PAX3: variants seen among roughly 807,000 people sequenced by gnomAD.
PAX3 encodes paired box protein Pax-3.
A neutral mutation model predicts 51.6 loss-of-function variants in PAX3; 14 were observed. The observed-to-expected ratio is 0.27, with a 90% confidence interval of 0.18 to 0.42. The LOEUF is 0.42. Ranked by LOEUF, PAX3 falls within the 10% of genes least tolerant of loss-of-function variation. PAX3 has a pLI of 1.00. For missense variants in PAX3, 540 were observed against 642.8 expected, an observed-to-expected ratio of 0.84 and a Z score of 1.73; for synonymous variants, 280 against 253.4, an observed-to-expected ratio of 1.11 and a Z score of -1.00.
chr2:222,277,190 A>T (rs1376942804), intron 4 of PAX3, among the ~76,000 whole-genome samples: 3 of 152,176 alleles, frequency 2.0e-5, no homozygotes, highest in Non-Finnish European at 4.4e-5. Context: ...ATATTTACAA[A>T]AATCTAATGA....
chr2:222,273,869 C>A (rs1471024296), intron 4 of PAX3, among the ~76,000 whole-genome samples: 1 of 151,942 alleles, frequency 6.6e-6, no homozygotes. Context: ...AAATTCGGTG[C>A]TGTAATTTTT....
intron 4 of PAX3, among the ~76,000 whole-genome samples, chr2:222,260,762 T>C (rs1385276136): frequency 2.6e-5 from 4 of 152,004 alleles, no homozygotes; most frequent in African/African-American, 9.7e-5. Context: ...GGCTAATTTT[T>C]CTATTTTTAG....
Position 222,298,695 on chromosome 2 carries a change from G to T in PAX3, c.-80C>A. On this transcript the variant is annotated 5_prime_UTR_variant, in exon 1 of 9. Transcript: ENST00000392070. ...CGAGTGCGGCGCGGATGACCCTCGG[G>T]AACTATCCGGAGCGTGGAGAGCCCC... is the stretch of plus-strand genomic sequence containing the variant. 1 of 1,354,068 alleles carries T rather than the reference G, an allele frequency of 7.4e-7. No individual in the cohort carries two copies. The highest frequency in any genetic ancestry group is 1.0e-6 in the Non-Finnish European group (1 of 969,562). 83.9% of individuals were successfully genotyped at this position (1,354,068 alleles called of 1,614,324 possible).
At position 222,242,150 on chromosome 2, in the gene PAX3, C is replaced by T. The variant is rs1471382157; in HGVS notation, c.587-9867G>A. The stretch of plus-strand genomic sequence containing the variant: ...AAAGACTAGTTTTATGAGGGGATTT[C>T]GCTTATGTTTTTGTTACTACAACTG... On this transcript the variant is annotated intron_variant, in intron 4 of 8. Transcript: ENST00000392070. Among the ~76,000 whole-genome samples, 12 of 152,166 alleles carry T rather than the reference C, an allele frequency of 7.9e-5. No individual in the cohort carries two copies. The East Asian group carries it at 1.9e-3, about 24-fold the overall frequency.
chr2:222,255,091 A>C (rs1351181372), intron 4 of PAX3, among the ~76,000 whole-genome samples: 1 of 152,140 alleles, frequency 6.6e-6, no homozygotes, highest in Non-Finnish European at 1.5e-5. Flanking sequence ...CAAGCTTTAC[A>C]TTTTTAACTC....
At chr2:222,208,740 G>A (rs922343354) in intron 7 of PAX3, among the ~76,000 whole-genome samples, 4 of 152,056 alleles carry the variant, frequency 2.6e-5, no homozygotes, top group African/African-American at 4.8e-5. Flanking sequence ...GTGTATCTTG[G>A]TTTCATTTCA....
chr2:222,232,343 T>A, intron 4 of PAX3, 60 bp from the exon 5 acceptor site: 1 of 1,439,214 alleles, frequency 6.9e-7, no homozygotes, highest in Non-Finnish European at 9.8e-7. Context: ...AAACTGAGAT[T>A]GAATCCAAGT....
intron 4 of PAX3, among the ~76,000 whole-genome samples, chr2:222,240,680 A>G (rs1216666896): frequency 6.6e-6 from 1 of 151,978 alleles, no homozygotes; most frequent in African/African-American, 2.4e-5. Flanking sequence ...TGTTTAAGCA[A>G]CTCCTTTCGA....
Position 222,202,031 on chromosome 2 carries a change from A to ATGTTGGCAGACTGTCCAAGCG in PAX3, c.1332_1333insCGCTTGGACAGTCTGCCAACA (p.Thr444_Ser445insArgLeuAspSerLeuProThr). ...TAGGTGGGTGGACAGTAGGACTGAGATGTTGGCAGACTGTCCAAGCTCTTC... is the reference window on the plus strand; with the variant it reads ...TAGGTGGGTGGACAGTAGGACTGAGATGTTGGCAGACTGTCCAAGCGTGTTGGCAGACTGTCCAAGCTCTTC... On this transcript the variant is annotated inframe_insertion, in exon 8 of 9. Coordinates refer to ENST00000392070, the MANE Select transcript of PAX3 (RefSeq NM_181458.4). 1 of 1,614,032 alleles carries ATGTTGGCAGACTGTCCAAGCG rather than the reference A, an allele frequency of 6.2e-7. No homozygotes were observed. The highest frequency in any genetic ancestry group is 8.5e-7 in the Non-Finnish European group (1 of 1,180,010).
chr2:222,285,239 T>C (rs1694791834), intron 4 of PAX3, among the ~76,000 whole-genome samples: 1 of 152,270 alleles, frequency 6.6e-6, no homozygotes, highest in Non-Finnish European at 1.5e-5. Context: ...ATCATCACAT[T>C]ACATTTGAAT....
intron 4 of PAX3, among the ~76,000 whole-genome samples, chr2:222,292,759 C>T (rs1695090410): frequency 6.6e-6 from 1 of 152,164 alleles, no homozygotes; most frequent in Admixed American, 6.5e-5. Context: ...ATGCACCTCT[C>T]CAAAAAGAGG....
chr2:222,290,766 C>CTGGAGGGGGAGAAGGAGGGG (rs1195694806), intron 4 of PAX3, among the ~76,000 whole-genome samples: 1 of 151,900 alleles, frequency 6.6e-6, no homozygotes, highest in Non-Finnish European at 1.5e-5. Context: ...CGTCACCCTG[C>CTGGAGGGGGAGAAGGAGGGG]TGGAGGGGGA....
chr2:222,274,089 C>G (rs1235149105), intron 4 of PAX3, among the ~76,000 whole-genome samples: 1 of 152,116 alleles, frequency 6.6e-6, no homozygotes, highest in South Asian at 2.1e-4. Flanking sequence ...TATGCTCTCT[C>G]CACTGTGCTC....
At chr2:222,232,012 A>G in intron 5 of PAX3, 66 bp downstream of exon 5, 1 of 1,434,948 alleles carries the variant, frequency 7.0e-7, no homozygotes. Context: ...TATGTTTTAG[A>G]TGAGAAGATG....
chr2:222,298,348 C>T, intron 1 of PAX3, 183 bp downstream of exon 1: 1 of 612,786 alleles, frequency 1.6e-6, no homozygotes, highest in South Asian at 1.9e-5. Context: ...GAGAGCAGCG[C>T]GCTCCATTTG....
At chr2:222,289,302 A>G (rs1370271696) in intron 4 of PAX3, among the ~76,000 whole-genome samples, 1 of 152,122 alleles carries the variant, frequency 6.6e-6, no homozygotes, top group Non-Finnish European at 1.5e-5. Flanking sequence ...CCATCTACTT[A>G]TGTACAACTT....
chr2:222,289,197 A>G (rs1447208295), intron 4 of PAX3, among the ~76,000 whole-genome samples: 1 of 152,216 alleles, frequency 6.6e-6, no homozygotes, highest in African/African-American at 2.4e-5. Context: ...ACAGAATCCA[A>G]TCGAACGTAA....
chr2:222,289,561 C>T (rs149258215), intron 4 of PAX3, among the ~76,000 whole-genome samples: 7 of 152,292 alleles, frequency 4.6e-5, no homozygotes, highest in Non-Finnish European at 7.3e-5. Flanking sequence ...CCCCTACGTC[C>T]TGGTTCCGGT....
intron 4 of PAX3, among the ~76,000 whole-genome samples, chr2:222,290,937 A>AGAG (rs574046807): frequency 6.6e-6 from 1 of 150,810 alleles, no homozygotes; most frequent in Non-Finnish European, 1.5e-5. Context: ...AAAAAAAAAA[A>AGAG]GAGGAGAAGA....
Sources: allele counts gnomAD v4.1 joint callset (sites outside exome capture counted in the v4.1 genomes callset), GRCh38; gene constraint gnomAD v4.1.1; transcripts MANE v1.5; gene names NCBI Gene and HGNC (gene_info 2026-07-23, HGNC 2026-07-21).